The following DYM variants were observed in gnomAD, a reference collection of about 807,000 sequenced individuals.
The protein encoded by DYM is dymeclin, also known as dyggve-Melchior-Clausen syndrome protein.
DYM carries 78 observed loss-of-function variants against 93.1 expected under a neutral mutation model. The ratio of observed to expected loss-of-function variants is 0.84; its 90% CI spans 0.70 to 1.01. The LOEUF is 1.01. DYM is among the 50% of genes least tolerant of loss of function. The pLI is 0.00. For synonymous variants in DYM, 321 were observed against 319.7 expected (o/e 1.00, Z -0.04); for missense variants, 789 against 845.0 (o/e 0.93, Z 0.82).
intron 15 of DYM, among the ~76,000 whole-genome samples, chr18:49,162,084 C>T (rs1459524649): frequency 6.6e-6 from 1 of 152,182 alleles, no homozygotes; most frequent in Non-Finnish European, 1.5e-5. Context: ...TCATCAAAGC[C>T]ATATTCCAAA....
chr18:49,283,210 T>A (rs1469388875), intron 9 of DYM, among the ~76,000 whole-genome samples: 1 of 152,200 alleles, frequency 6.6e-6, no homozygotes, highest in East Asian at 1.9e-4. Context: ...AATACAGTAC[T>A]GAATTTATAT....
intron 13 of DYM, among the ~76,000 whole-genome samples, chr18:49,253,609 G>C (rs1405931613): frequency 2.6e-5 from 4 of 152,156 alleles, no homozygotes; most frequent in Non-Finnish European, 5.9e-5. Flanking sequence ...CTTCCAACAA[G>C]CTCCCTCCTG....
chr18:49,284,403 G>A (rs2095069765), intron 9 of DYM, among the ~76,000 whole-genome samples: 3 of 152,090 alleles, frequency 2.0e-5, no homozygotes, highest in Admixed American at 2.0e-4. Flanking sequence ...TTGCTTCATT[G>A]TACTACATGG....
At chr18:49,065,266 C>T (rs1182772306) in intron 17 of DYM, among the ~76,000 whole-genome samples, 1 of 152,186 alleles carries the variant, frequency 6.6e-6, no homozygotes, top group Admixed American at 6.6e-5. Context: ...TGCTTTAAAA[C>T]CAGTAACTCT....
intron 15 of DYM, among the ~76,000 whole-genome samples, chr18:49,130,068 A>G (rs1210152649): frequency 2.6e-5 from 4 of 152,192 alleles, no homozygotes; most frequent in African/African-American, 9.7e-5. Flanking sequence ...GTCTGCTACC[A>G]CTGGAGAAGG....
intron 8 of DYM, among the ~76,000 whole-genome samples, chr18:49,316,811 G>A (rs2061974922): frequency 6.6e-6 from 1 of 151,838 alleles, no homozygotes; most frequent in South Asian, 2.1e-4. Flanking sequence ...GAATCATACA[G>A]TATAGACAGC....
At chr18:49,193,246 T>C (rs538724565) in intron 14 of DYM, among the ~76,000 whole-genome samples, 5 of 152,058 alleles carry the variant, frequency 3.3e-5, no homozygotes, top group African/African-American at 7.2e-5. Flanking sequence ...ACAGTGGCTA[T>C]TACAGAGTAA....
intron 17 of DYM, among the ~76,000 whole-genome samples, chr18:49,086,545 T>C (rs573424044): frequency 6.6e-6 from 1 of 152,298 alleles, no homozygotes; most frequent in Admixed American, 6.5e-5. Flanking sequence ...AGCACCATGG[T>C]CTGGAGAACT....
At chr18:49,165,982 A>G (rs1425920609) in intron 14 of DYM, among the ~76,000 whole-genome samples, 1 of 149,588 alleles carries the variant, frequency 6.7e-6, no homozygotes, top group African/African-American at 2.5e-5. Context: ...GGTACTATAC[A>G]AGAAGTAGAA....
intron 6 of DYM, among the ~76,000 whole-genome samples, chr18:49,340,076 G>A (rs1039000800): frequency 3.9e-5 from 6 of 151,944 alleles, no homozygotes; most frequent in African/African-American, 9.7e-5. Context: ...TCAGCCTCTC[G>A]AGTAGCTGTG....
At chr18:49,087,049 C>T (rs890422151) in intron 17 of DYM, among the ~76,000 whole-genome samples, 1 of 151,836 alleles carries the variant, frequency 6.6e-6, no homozygotes, top group African/African-American at 2.4e-5. Context: ...CTCCCTTACC[C>T]CTTCTGCCAT....
intron 14 of DYM, among the ~76,000 whole-genome samples, chr18:49,195,428 T>A (rs2091347747): frequency 6.6e-6 from 1 of 152,226 alleles, no homozygotes; most frequent in Non-Finnish European, 1.5e-5. Flanking sequence ...TCTTCTAGTT[T>A]TTTGAGAATA....
At position 49,209,627 on chromosome 18, in the gene DYM, A is replaced by G; in HGVS notation, c.1549T>C (p.Phe517Leu). ...TCTCCATTGTCACTGAGGGTCGAGA[A>G]GCAATGCTGAAGCGTAGAACAGTGA... ...HSHCSTLQHC[F>L]STLSDNGEEL... The change falls in exon 14 of 18, where the codon TTC (phenylalanine) becomes CTC (leucine). Residue 517 changes from phenylalanine to leucine, a missense_variant. Physicochemically the swap from Phe to Leu is conservative, Grantham distance 22. This residue lies in a region of DYM where 225 missense variants were observed against 303.0 expected (regional missense o/e 0.74). Transcript: ENST00000675505. 3 of 1,289,806 alleles carry G rather than the reference A, an allele frequency of 2.3e-6. No individual in the cohort carries two copies. The highest frequency in any genetic ancestry group is 3.0e-6 in the Non-Finnish European group (3 of 988,848). The allele number at this position is 1,289,806 out of a possible 1,614,324, so 79.9% of individuals were successfully genotyped here. A position where few individuals can be genotyped will look rare whatever the true frequency, so the allele number is the denominator to read the frequency against.
chr18:49,257,160 C>T, intron 12 of DYM, 56 bp from the exon 13 acceptor site: 1 of 1,358,146 alleles, frequency 7.4e-7, no homozygotes. Flanking sequence ...ATATTTTAAC[C>T]AAGGTTAACT....
chr18:49,320,715 C>T (rs993695236), intron 8 of DYM, among the ~76,000 whole-genome samples: 6 of 152,082 alleles, frequency 3.9e-5, no homozygotes, highest in African/African-American at 1.2e-4. Context: ...TCAGGTGATC[C>T]GCCTGCCTGG....
chr18:49,080,014 G>T (rs2077681855), intron 17 of DYM, among the ~76,000 whole-genome samples: 2 of 150,860 alleles, frequency 1.3e-5, no homozygotes, highest in African/African-American at 2.4e-5. Context: ...CCCGGACGGG[G>T]CGGCTGGCTG....
chr18:49,249,876 G>A (rs1365514158), intron 13 of DYM, among the ~76,000 whole-genome samples: 1 of 152,166 alleles, frequency 6.6e-6, no homozygotes, highest in East Asian at 1.9e-4. Flanking sequence ...TTCTTAAATT[G>A]CATGATTAAA....
At chr18:49,160,191 T>TC (rs1406108000) in intron 15 of DYM, among the ~76,000 whole-genome samples, 1 of 152,078 alleles carries the variant, frequency 6.6e-6, no homozygotes, top group Non-Finnish European at 1.5e-5. Context: ...TGGCATTCTC[T>TC]CCCCCCACAG....
chr18:49,160,592 A>AT (rs1323917073), intron 15 of DYM, among the ~76,000 whole-genome samples: 1 of 151,556 alleles, frequency 6.6e-6, no homozygotes, highest in African/African-American at 2.4e-5. Context: ...AAAAAAAAAA[A>AT]AGTACACATC....
Sources: allele counts gnomAD v4.1 joint callset (sites outside exome capture counted in the v4.1 genomes callset), GRCh38; gene constraint gnomAD v4.1.1; regional missense constraint gnomAD v4.1.1; transcripts MANE v1.5; gene names NCBI Gene and HGNC (gene_info 2026-07-23, HGNC 2026-07-21).